ROS1: variants seen among roughly 807,000 people sequenced by gnomAD.
ROS1 encodes the protein ROS proto-oncogene 1, receptor tyrosine kinase.
Under a neutral mutation model 273.5 loss-of-function variants are expected in ROS1, and 263 were observed. That is an observed-to-expected ratio of 0.96 (90% CI 0.87 to 1.06). The LOEUF is 1.06. Among genes scored for constraint, ROS1 ranks in the 50% least tolerant of loss-of-function variants. The pLI, the probability that ROS1 is intolerant of heterozygous loss-of-function variation, is 0.00. For missense variants in ROS1, 2,833 were observed against 2,751.1 expected (o/e 1.03, Z -0.67); for synonymous variants, 1,008 against 954.1 (o/e 1.06, Z -1.04).
intron 22 of ROS1, among the ~76,000 whole-genome samples, chr6:117,361,340 T>C (rs1459964019): frequency 6.6e-6 from 1 of 151,670 alleles, no homozygotes; most frequent in Non-Finnish European, 1.5e-5. Flanking sequence ...AACAAAACAT[T>C]GTATTATTTT....
At chr6:117,367,894 G>A (rs1478766350) in intron 18 of ROS1, among the ~76,000 whole-genome samples, 1 of 151,978 alleles carries the variant, frequency 6.6e-6, no homozygotes, top group African/African-American at 2.4e-5. Flanking sequence ...GATAAACAGG[G>A]AAAATCAATC....
At chr6:117,386,619 G>C (rs530273580) in intron 15 of ROS1, among the ~76,000 whole-genome samples, 1 of 152,218 alleles carries the variant, frequency 6.6e-6, no homozygotes, top group Non-Finnish European at 1.5e-5. Context: ...GATGGCATTG[G>C]TAGATTAATA....
At chr6:117,351,848 A>G (rs1356545090) in intron 27 of ROS1, among the ~76,000 whole-genome samples, 1 of 152,220 alleles carries the variant, frequency 6.6e-6, no homozygotes, top group Non-Finnish European at 1.5e-5. Context: ...AAAATCTCTT[A>G]AATTTCTCAA....
At chr6:117,305,430 TA>T (rs1775029822) in intron 42 of ROS1, among the ~76,000 whole-genome samples, 1 of 152,198 alleles carries the variant, frequency 6.6e-6, no homozygotes, top group Non-Finnish European at 1.5e-5. Flanking sequence ...GTTTAATCTA[TA>T]AAATCCACTT....
intron 14 of ROS1, 52 bp from the exon 15 acceptor site, chr6:117,387,051 A>C (rs1772641436): frequency 1.0e-6 from 1 of 995,666 alleles, no homozygotes; most frequent in African/African-American, 1.6e-5. Flanking sequence ...CAAACTCTTT[A>C]AAGGTATCTT....
chr6:117,389,792 T>C lies in ROS1; in HGVS notation c.1344A>G (p.Pro448=). 1 of 1,614,106 alleles carries C rather than the reference T, an allele frequency of 6.2e-7. No homozygotes were observed. The highest frequency in any genetic ancestry group is 1.1e-5 in the South Asian group (1 of 91,086). Residue 448 remains proline, a synonymous_variant, in exon 13 of 44, where the codon CCA becomes CCG. Transcript: ENST00000368507. ...GCACAGCTTCTGCACACCGGCCAGATGGTACAGGAAGGTCTGCTCTATAAA... is the reference window on the plus strand; with the variant it reads ...GCACAGCTTCTGCACACCGGCCAGACGGTACAGGAAGGTCTGCTCTATAAA... ...DGIYRADLPV[P]SGRCAEAVRI...
intron 1 of ROS1, among the ~76,000 whole-genome samples, chr6:117,423,627 G>A (rs1351961335): frequency 6.6e-6 from 1 of 151,822 alleles, no homozygotes; most frequent in Non-Finnish European, 1.5e-5. Flanking sequence ...CAATGCTCAA[G>A]CATAGAACTC....
chr6:117,359,852 T>C lies in ROS1; in HGVS notation c.3590A>G (p.Asp1197Gly), dbSNP rs774383914. ...GTGCAAGTGCAGAAGAAAGAGTGAGTCCCCTTCAGCATAATATCCCATCTC... is the reference window on the plus strand; with the variant it reads ...GTGCAAGTGCAGAAGAAAGAGTGAGCCCCCTTCAGCATAATATCCCATCTC... ...DNEMGYYAEGDSLFLLHLHNR... is the reference protein window; with the variant it reads ...DNEMGYYAEGGSLFLLHLHNR... Residue 1197 changes from aspartate to glycine, a missense_variant, in exon 24 of 44, where the codon GAC becomes GGC. Asp to Gly is a moderately conservative substitution (Grantham distance 94, BLOSUM62 -1). Coordinates refer to ENST00000368507, the MANE Select transcript of ROS1 (RefSeq NM_001378902.1). The C allele has an allele frequency of 3.7e-6, 6 of 1,613,790 alleles. No individual in the cohort carries two copies. The highest frequency in any genetic ancestry group is 5.1e-6 in the Non-Finnish European group (6 of 1,179,862).
intron 43 of ROS1, among the ~76,000 whole-genome samples, chr6:117,293,821 C>CA (rs547218971): frequency 6.6e-6 from 1 of 152,004 alleles, no homozygotes; most frequent in African/African-American, 2.4e-5. Context: ...CCTTATCTGT[C>CA]AAAAAATTTG....
At chr6:117,372,197 T>C (rs1189615298) in intron 18 of ROS1, among the ~76,000 whole-genome samples, 1 of 152,134 alleles carries the variant, frequency 6.6e-6, no homozygotes, top group Admixed American at 6.5e-5. Flanking sequence ...AAGACAAGGA[T>C]GCCCAGTCAC....
chr6:117,288,366 A>G lies in ROS1; in HGVS notation c.*126T>C, dbSNP rs2778. 312,797 of 887,922 alleles carry G rather than the reference A, an allele frequency of 0.35. 57,808 individuals are homozygous for G. The highest frequency in any genetic ancestry group is 0.41 in the Admixed American group (14,505 of 35,136). The allele number at this position is 887,922 out of a possible 1,614,324, so 55.0% of individuals were successfully genotyped here. ...GCTCTCAGAACCAAGATTAGAAATC[A>G]GGAACGTTGCATTGTTTATTTGGAG... On this transcript the variant is annotated 3_prime_UTR_variant, in exon 44 of 44. Transcript: ENST00000368507.
At chr6:117,405,327 C>T (rs753718337) in intron 5 of ROS1, among the ~76,000 whole-genome samples, 5 of 152,178 alleles carry the variant, frequency 3.3e-5, no homozygotes, top group Middle Eastern at 3.2e-3. Context: ...CATTGTCATC[C>T]GAGGACCTAG....
chr6:117,304,058 T>A (rs563970424), intron 42 of ROS1, among the ~76,000 whole-genome samples: 262 of 152,296 alleles, frequency 1.7e-3, no homozygotes, highest in African/African-American at 5.8e-3. Context: ...ACTGTTTCAA[T>A]GTATTGATCT....
At chr6:117,290,805 T>A (rs1428752444) in intron 43 of ROS1, among the ~76,000 whole-genome samples, 1 of 152,134 alleles carries the variant, frequency 6.6e-6, no homozygotes, top group African/African-American at 2.4e-5. Context: ...GTATTATTGC[T>A]CCCTGTTTTT....
intron 43 of ROS1, among the ~76,000 whole-genome samples, chr6:117,300,138 A>C (rs1774598758): frequency 2.0e-5 from 2 of 102,424 alleles, no homozygotes; most frequent in Admixed American, 1.3e-4. Flanking sequence ...TTTTTAGTAG[A>C]GATGGGGTTT....
In ROS1 at chr6:117,379,140, T is replaced by C; in HGVS notation, c.2501A>G (p.Asp834Gly). The change falls in exon 18 of 44, where the codon GAC (aspartate) becomes GGC (glycine). Residue 834 changes from aspartate (D) to glycine (G), a missense_variant. Physicochemically the swap from Asp to Gly is moderately conservative, Grantham distance 94 (BLOSUM62 -1). Transcript: ENST00000368507. ...SGKKVIALTL[D>G]LSDGLLYWLV... ...CCAATACAGGAGCCCATCACTGAGG[T>C]CTAAAGTTAGAGCAATTACCTAAGT... 1 of 1,611,640 alleles carries C rather than the reference T, an allele frequency of 6.2e-7. No individual in the cohort carries two copies. Among genetic ancestry groups the C allele is most frequent in the Non-Finnish European group, 8.5e-7 (1 of 1,177,922 alleles).
At chr6:117,390,354 T>C (rs545994159) in intron 12 of ROS1, among the ~76,000 whole-genome samples, 13 of 152,142 alleles carry the variant, frequency 8.5e-5, no homozygotes, top group Admixed American at 6.5e-4. Flanking sequence ...CCTGAACTCC[T>C]GGGCTCAAGT....
Position 117,326,227 on chromosome 6 carries a change from C to T in ROS1, c.5536G>A (p.Gly1846Arg), listed in dbSNP as rs1776636276. Reference sequence around the variant, plus strand: ...GTAGACAGACATGGTAACATACCTCCAACTAATATAATATTCTCACTGATT... The same window carrying T: ...GTAGACAGACATGGTAACATACCTCTAACTAATATAATATTCTCACTGATT... ...SGISENIILV[G>R]DDFWIPETSF... The change falls in exon 34 of 44, where the codon GGA becomes AGA. Residue 1846 changes from glycine to arginine, a missense_variant. By Grantham distance (125) the Gly-to-Arg change is moderately radical. Transcript: ENST00000368507. 3.2e-6 allele frequency: 5 copies of T among 1,583,306 alleles called. No homozygotes were observed. Among genetic ancestry groups the T allele is most frequent in the Non-Finnish European group, 4.3e-6 (5 of 1,167,256 alleles).
At chr6:117,413,809 C>A (rs1380084314) in intron 4 of ROS1, among the ~76,000 whole-genome samples, 1 of 152,012 alleles carries the variant, frequency 6.6e-6, no homozygotes, top group Non-Finnish European at 1.5e-5. Flanking sequence ...TGGCAAAACC[C>A]CATCTCTACT....
Sources: gnomAD v4.1 joint callset for allele counts (sites outside exome capture counted in the v4.1 genomes callset) on GRCh38, gnomAD v4.1.1 for gene constraint, MANE v1.5 for transcripts, NCBI Gene and HGNC (gene_info 2026-07-23, HGNC 2026-07-21) for gene names.